COG5: variants seen among roughly 807,000 people sequenced by gnomAD.
COG5 encodes the protein conserved oligomeric Golgi complex subunit 5.
COG5 carries 86 observed loss-of-function variants against 110.4 expected under a neutral mutation model. The observed-to-expected ratio is 0.78, with a 90% confidence interval of 0.65 to 0.93. The LOEUF is 0.93. Among genes scored for constraint, COG5 ranks in the 40% least tolerant of loss-of-function variants. The pLI is 0.00. For synonymous variants in COG5, 360 were observed against 334.6 expected, an observed-to-expected ratio of 1.08 and a Z score of -0.83; for missense variants, 1,077 against 987.0, an observed-to-expected ratio of 1.09 and a Z score of -1.22.
rs116538629 is a variant in COG5 at position 107,346,463 on chromosome 7, A to G, written c.1026+15570T>C. Among the ~76,000 whole-genome samples the G allele has an allele frequency of 5.4e-3, 819 of 152,362 alleles. 8 individuals are homozygous for G. Among genetic ancestry groups the G allele is most frequent in the African/African-American group, 0.019 (797 of 41,590 alleles). Reference sequence around the variant, plus strand: ...CCCACTGCCTAGGCAAAACTTGTTCAAGAAAATTTTGTAAAACATTCACTT... The same window carrying G: ...CCCACTGCCTAGGCAAAACTTGTTCGAGAAAATTTTGTAAAACATTCACTT... On this transcript the variant is annotated intron_variant, in intron 10 of 21. Coordinates refer to ENST00000297135, the MANE Select transcript of COG5 (RefSeq NM_006348.5).
At chr7:107,218,157 A>C (rs1799656460) in intron 19 of COG5, among the ~76,000 whole-genome samples, 1 of 152,090 alleles carries the variant, frequency 6.6e-6, no homozygotes. Flanking sequence ...ATGGAAGTGA[A>C]AGATTTGTAC....
rs114679344 is a variant in COG5 at position 107,522,170 on chromosome 7, A to G, written c.538+5067T>C. On this transcript the variant is annotated intron_variant, in intron 6 of 21. Coordinates refer to ENST00000297135, the MANE Select transcript of COG5 (RefSeq NM_006348.5). Reference sequence around the variant, plus strand: ...GCATTAGGATAAATAACTAATGCATATGAGGCTTAAAACCTAGGCCAGGCG... The same window carrying G: ...GCATTAGGATAAATAACTAATGCATGTGAGGCTTAAAACCTAGGCCAGGCG... Among the ~76,000 whole-genome samples the G allele has an allele frequency of 5.6e-3, 856 of 152,294 alleles. 9 individuals are homozygous for G. The highest frequency in any genetic ancestry group is 0.02 in the African/African-American group (825 of 41,560).
chr7:107,397,361 G>T (rs1456231612), intron 7 of COG5, among the ~76,000 whole-genome samples: 2 of 152,160 alleles, frequency 1.3e-5, no homozygotes, highest in African/African-American at 4.8e-5. Context: ...AAAAAAGAAA[G>T]GCCTGAATCC....
At chr7:107,331,319 T>A (rs898738884) in intron 10 of COG5, among the ~76,000 whole-genome samples, 2 of 151,826 alleles carry the variant, frequency 1.3e-5, no homozygotes, top group African/African-American at 4.8e-5. Flanking sequence ...TACAAAAAAA[T>A]TAGCCAGGCG....
At chr7:107,255,318 G>A (rs755363795) in intron 16 of COG5, among the ~76,000 whole-genome samples, 2 of 152,022 alleles carry the variant, frequency 1.3e-5, no homozygotes, top group Non-Finnish European at 2.9e-5. Flanking sequence ...GGGAAAAAGG[G>A]ATATAGAGAA....
intron 5 of COG5, among the ~76,000 whole-genome samples, chr7:107,547,791 A>G (rs1249972310): frequency 7.0e-6 from 1 of 143,630 alleles, no homozygotes; most frequent in Non-Finnish European, 1.5e-5. Flanking sequence ...TACAATAGCT[A>G]CAAAAAAAAA....
intron 16 of COG5, among the ~76,000 whole-genome samples, chr7:107,249,021 G>C (rs1261145533): frequency 6.6e-6 from 1 of 152,082 alleles, no homozygotes; most frequent in Non-Finnish European, 1.5e-5. Context: ...TTGTAGTATA[G>C]ATTATTTCAT....
In COG5 at chr7:107,356,028, C is replaced by T. The variant is rs1366064175; in HGVS notation, c.1026+6005G>A. 3.3e-5 allele frequency among the ~76,000 whole-genome samples: 5 copies of T among 152,142 alleles called. No individual in the cohort carries two copies. The South Asian group carries it at 6.2e-4, about 19-fold the overall frequency. ...ATAATGCATAACATTGTACTTTCTGCTCAATATTTTGTAAACCTAAAGCTG... is the reference window on the plus strand; with the variant it reads ...ATAATGCATAACATTGTACTTTCTGTTCAATATTTTGTAAACCTAAAGCTG... On this transcript the variant is annotated intron_variant, in intron 10 of 21. Coordinates refer to ENST00000297135, the MANE Select transcript of COG5 (RefSeq NM_006348.5).
intron 6 of COG5, among the ~76,000 whole-genome samples, chr7:107,413,720 G>A (rs1268036488): frequency 1.3e-5 from 2 of 152,166 alleles, no homozygotes; most frequent in Non-Finnish European, 2.9e-5. Flanking sequence ...AGAGACTGGA[G>A]CCAAGAACAA....
At chr7:107,504,573 T>G (rs1224588380) in intron 6 of COG5, among the ~76,000 whole-genome samples, 6 of 152,234 alleles carry the variant, frequency 3.9e-5, no homozygotes, top group African/African-American at 1.4e-4. Context: ...GTAAGATTGA[T>G]ACCAGTTCAT....
At chr7:107,275,860 A>G (rs1273130390) in intron 14 of COG5, among the ~76,000 whole-genome samples, 1 of 152,142 alleles carries the variant, frequency 6.6e-6, no homozygotes, top group Non-Finnish European at 1.5e-5. Context: ...AATTGAACTC[A>G]TATTTGAGCT....
chr7:107,491,527 A>G (rs1797973704), intron 6 of COG5, among the ~76,000 whole-genome samples: 1 of 152,154 alleles, frequency 6.6e-6, no homozygotes, highest in South Asian at 2.1e-4. Context: ...TGAATGTTCT[A>G]TTACTTCTCC....
At chr7:107,257,024 T>A (rs530162996) in intron 15 of COG5, among the ~76,000 whole-genome samples, 4 of 152,154 alleles carry the variant, frequency 2.6e-5, no homozygotes, top group Non-Finnish European at 2.9e-5. Context: ...TAATAAATAC[T>A]AAGAGCTAGG....
intron 21 of COG5, among the ~76,000 whole-genome samples, chr7:107,206,688 G>A (rs1051075853): frequency 2.0e-5 from 3 of 152,162 alleles, no homozygotes; most frequent in Non-Finnish European, 2.9e-5. Context: ...ACTTAGTTTC[G>A]TTGGCATTTA....
At chr7:107,506,723 A>G (rs1249300609) in intron 6 of COG5, among the ~76,000 whole-genome samples, 1 of 152,134 alleles carries the variant, frequency 6.6e-6, no homozygotes, top group Non-Finnish European at 1.5e-5. Flanking sequence ...CCTGCGGGAA[A>G]ACAGGAACCA....
chr7:107,281,592 T>C (rs1399624005), intron 13 of COG5, among the ~76,000 whole-genome samples, 193 bp from the exon 14 acceptor site: 1 of 152,156 alleles, frequency 6.6e-6, no homozygotes, highest in Non-Finnish European at 1.5e-5. Context: ...TGGAGATGGC[T>C]TCCTTAATGA....
chr7:107,253,838 C>T (rs1458301349), intron 16 of COG5, among the ~76,000 whole-genome samples: 1 of 152,082 alleles, frequency 6.6e-6, no homozygotes, highest in East Asian at 1.9e-4. Context: ...AACACTTGCC[C>T]CAGATGGCTG....
intron 1 of COG5, among the ~76,000 whole-genome samples, chr7:107,559,944 GGTTT>G (rs1317741319): frequency 6.6e-6 from 1 of 152,204 alleles, no homozygotes; most frequent in African/African-American, 2.4e-5. Flanking sequence ...TTTGAAAAGA[GGTTT>G]GTAAGACATT....
chr7:107,253,297 G>C (rs1440501943), intron 16 of COG5: 1 of 152,130 alleles, frequency 6.6e-6, no homozygotes, highest in East Asian at 1.9e-4. Flanking sequence ...AGGAAACTGA[G>C]AAAGGAGATT....
Sources: gnomAD v4.1 joint callset for allele counts (sites outside exome capture counted in the v4.1 genomes callset) on GRCh38, gnomAD v4.1.1 for gene constraint, MANE v1.5 for transcripts, NCBI Gene and HGNC (gene_info 2026-07-23, HGNC 2026-07-21) for gene names.